The following PRDM16 variants were observed in gnomAD, a reference collection of about 807,000 sequenced individuals.
PRDM16 encodes histone-lysine N-methyltransferase PRDM16.
In PRDM16, 23 loss-of-function variants were observed where a neutral mutation model predicts 110.6. The observed-to-expected ratio is 0.21, with a 90% CI of 0.15 to 0.29. PRDM16 has a LOEUF of 0.29. Ranked by LOEUF, PRDM16 falls within the 10% of genes least tolerant of loss-of-function variation. The pLI, the probability that PRDM16 is intolerant of heterozygous loss-of-function variation, is 1.00. For synonymous variants in PRDM16, 799 were observed against 781.8 expected (o/e 1.02, Z -0.37); for missense variants, 1,615 against 1,794.3 (o/e 0.90, Z 1.81).
At position 3,359,608 on chromosome 1, in the gene PRDM16, C is replaced by T. The variant is rs998594691; in HGVS notation, c.439-25544C>T. Among the ~76,000 whole-genome samples, 5 of 152,176 alleles carry T rather than the reference C, an allele frequency of 3.3e-5. No homozygotes were observed. The highest frequency in any genetic ancestry group is 6.5e-5 in the Admixed American group (1 of 15,288). ...TTTCAGCCTCCCCTCCACCTGTCAC[C>T]GTTGTTTATCCTCCTCAGCACTCAC... On this transcript the variant is annotated intron_variant, in intron 3 of 16. Transcript: ENST00000270722. This position sits in a 1 kb window ranked among gnomAD's most constrained non-coding sequence, Gnocchi z 4.3.
intron 3 of PRDM16, among the ~76,000 whole-genome samples, chr1:3,367,865 G>C (rs1254918125): frequency 3.4e-5 from 5 of 149,116 alleles, no homozygotes; most frequent in Non-Finnish European, 5.9e-5. Context: ...GTCTTCAAAA[G>C]AAGGCATTTG....
rs1311331926 is a variant in PRDM16 at position 3,290,429 on chromosome 1, G to T, written c.438+46292G>T. Among the ~76,000 whole-genome samples, 1 of 152,230 alleles carries T rather than the reference G, an allele frequency of 6.6e-6. No homozygotes were observed. The highest frequency in any genetic ancestry group is 1.5e-5 in the Non-Finnish European group (1 of 68,038). The stretch of plus-strand genomic sequence containing the variant: ...TTGCCGGTTCCCCAAAGAGCCTGCT[G>T]CCTCCACCTGCTGTGTTCGAAGCGG... On this transcript the variant is annotated intron_variant, in intron 3 of 16. Transcript: ENST00000270722. This position sits in a 1 kb window ranked among gnomAD's most constrained non-coding sequence, Gnocchi z 4.8.
At chr1:3,397,663 C>G (rs985562826) in intron 5 of PRDM16, among the ~76,000 whole-genome samples, 2 of 152,236 alleles carry the variant, frequency 1.3e-5, no homozygotes, top group African/African-American at 4.8e-5. Flanking sequence ...GCTGGTGATT[C>G]CTGCTGGTGC....
At chr1:3,264,026 G>A (rs1174196133) in intron 3 of PRDM16, among the ~76,000 whole-genome samples, 1 of 152,200 alleles carries the variant, frequency 6.6e-6, no homozygotes, top group Non-Finnish European at 1.5e-5. Flanking sequence ...CAGCTGAGCA[G>A]ACTCCTGGCC....
intron 1 of PRDM16, among the ~76,000 whole-genome samples, chr1:3,094,829 C>T (rs775498695): frequency 3.3e-5 from 5 of 152,168 alleles, no homozygotes; most frequent in African/African-American, 4.8e-5. Context: ...GTCCCTGCTG[C>T]GGTTGCCGAG....
intron 3 of PRDM16, among the ~76,000 whole-genome samples, chr1:3,356,475 A>G (rs1329095845): frequency 6.6e-6 from 1 of 152,210 alleles, no homozygotes; most frequent in African/African-American, 2.4e-5. Context: ...TCCCTTTCCA[A>G]CAGAGAAACA....
At chr1:3,202,946 TG>T (rs1332991928) in intron 2 of PRDM16, among the ~76,000 whole-genome samples, 3 of 152,168 alleles carry the variant, frequency 2.0e-5, no homozygotes, top group African/African-American at 2.4e-5. Flanking sequence ...GCGGTTGGTG[TG>T]GGGGAAGGAG....
At chr1:3,426,674 C>CGT (rs942304854) in intron 14 of PRDM16, among the ~76,000 whole-genome samples, 8 of 152,142 alleles carry the variant, frequency 5.3e-5, no homozygotes, top group Non-Finnish European at 1.0e-4. Context: ...AGGTATGCCC[C>CGT]GTGTACATGT....
intron 1 of PRDM16, among the ~76,000 whole-genome samples, chr1:3,179,810 C>CA (rs1035307321): frequency 1.3e-5 from 2 of 152,190 alleles, no homozygotes; most frequent in African/African-American, 4.8e-5. Context: ...TGATCTCGTA[C>CA]AAGCTTTTCT....
At chr1:3,270,504 A>G (rs1005646788) in intron 3 of PRDM16, among the ~76,000 whole-genome samples, 2 of 151,636 alleles carry the variant, frequency 1.3e-5, no homozygotes, top group Non-Finnish European at 2.9e-5. Context: ...AGAGGAGGAC[A>G]GTCCCGGGGG....
At chr1:3,088,420 T>C (rs1642198370) in intron 1 of PRDM16, among the ~76,000 whole-genome samples, 1 of 151,964 alleles carries the variant, frequency 6.6e-6, no homozygotes, top group South Asian at 2.1e-4. Flanking sequence ...TTCCCCCGAA[T>C]ACTCTTGGGA....
At position 3,393,616 on chromosome 1, in the gene PRDM16, C is replaced by G. The variant is rs114307732; in HGVS notation, c.574-2875C>G. 6.4e-3 allele frequency among the ~76,000 whole-genome samples: 971 copies of G among 152,258 alleles called. 17 individuals carry two copies. The highest frequency in any genetic ancestry group is 0.022 in the African/African-American group (914 of 41,544). On this transcript the variant is annotated intron_variant, in intron 4 of 16. Coordinates refer to ENST00000270722, the MANE Select transcript of PRDM16 (RefSeq NM_022114.4). Reference sequence around the variant, plus strand: ...CGCCCGGTTCCCACCGCGGCCGGCCCGGTCTTTGTCCCGGGAAGTCGCCTG... The same window carrying G: ...CGCCCGGTTCCCACCGCGGCCGGCCGGGTCTTTGTCCCGGGAAGTCGCCTG...
At chr1:3,288,998 C>T (rs935046773) in intron 3 of PRDM16, among the ~76,000 whole-genome samples, 10 of 152,220 alleles carry the variant, frequency 6.6e-5, no homozygotes, top group African/African-American at 2.4e-4. Flanking sequence ...CACCTCCTCA[C>T]AGGGCCTAGG....
At chr1:3,409,551 C>A (rs1329623935) in intron 8 of PRDM16, among the ~76,000 whole-genome samples, 4 of 152,172 alleles carry the variant, frequency 2.6e-5, no homozygotes, top group African/African-American at 7.2e-5. Flanking sequence ...AGGCAGCCGA[C>A]GATTTCTGGT....
intron 2 of PRDM16, among the ~76,000 whole-genome samples, chr1:3,242,079 G>A (rs1489529456): frequency 2.0e-5 from 3 of 152,206 alleles, no homozygotes; most frequent in African/African-American, 4.8e-5. Context: ...GGAGCCTCCC[G>A]GAAAATGCCC....
At chr1:3,348,450 G>C (rs1163251776) in intron 3 of PRDM16, among the ~76,000 whole-genome samples, 1 of 152,192 alleles carries the variant, frequency 6.6e-6, no homozygotes, top group Admixed American at 6.5e-5. Flanking sequence ...CAAAATCCGC[G>C]GGCCAAGGAC....
At position 3,287,861 on chromosome 1, in the gene PRDM16, C is replaced by G. The variant is rs545269897; in HGVS notation, c.438+43724C>G. 2.4e-3 allele frequency among the ~76,000 whole-genome samples: 365 copies of G among 152,038 alleles called. 2 individuals carry two copies. The highest frequency in any genetic ancestry group is 2.9e-3 in the Non-Finnish European group (199 of 67,930). On this transcript the variant is annotated intron_variant, in intron 3 of 16. Coordinates refer to ENST00000270722, the MANE Select transcript of PRDM16 (RefSeq NM_022114.4). ...GCAGCCGCCCCGCCACGCGGGCATC[C>G]AGGATTGCATTTACCGGGGCTGGAG...
At chr1:3,170,539 A>C (rs998803664) in intron 1 of PRDM16, among the ~76,000 whole-genome samples, 23 of 151,998 alleles carry the variant, frequency 1.5e-4, no homozygotes, top group Admixed American at 9.2e-4. Flanking sequence ...TTTCCCTAGG[A>C]GCATCTGGGT....
rs1437363953 is a variant in PRDM16 at position 3,245,459 on chromosome 1, T to C, written c.438+1322T>C. Among the ~76,000 whole-genome samples, 1 of 152,174 alleles carries C rather than the reference T, an allele frequency of 6.6e-6. No homozygotes were observed. The highest frequency in any genetic ancestry group is 2.4e-5 in the African/African-American group (1 of 41,426). Reference sequence around the variant, plus strand: ...ATTGATTTTGGAGAAAGCATGGCAATGGAGACTTTTGCTGGGCCCGCAGTG... The same window carrying C: ...ATTGATTTTGGAGAAAGCATGGCAACGGAGACTTTTGCTGGGCCCGCAGTG... On this transcript the variant is annotated intron_variant, in intron 3 of 16. Coordinates refer to ENST00000270722, the MANE Select transcript of PRDM16 (RefSeq NM_022114.4). This position sits in a 1 kb window ranked among gnomAD's most constrained non-coding sequence, Gnocchi z 4.7.
Sources: gnomAD v4.1 joint callset for allele counts (sites outside exome capture counted in the v4.1 genomes callset) on GRCh38, gnomAD v4.1.1 for gene constraint, Gnocchi (gnomAD v3.1) non-coding constraint, MANE v1.5 for transcripts, NCBI Gene and HGNC (gene_info 2026-07-23, HGNC 2026-07-21) for gene names.